SP100: variants seen among roughly 807,000 people sequenced by gnomAD.
SP100 encodes the protein nuclear autoantigen Sp-100.
A neutral mutation model predicts 130.0 loss-of-function variants in SP100; 84 were observed. The ratio of observed to expected loss-of-function variants is 0.65; its 90% confidence interval spans 0.54 to 0.77. The LOEUF is 0.77. Among genes scored for constraint, SP100 ranks in the 30% least tolerant of loss-of-function variants. The pLI is 0.00. For synonymous variants in SP100, 331 were observed against 351.7 expected (o/e 0.94, Z 0.66); for missense variants, 978 against 1,052.2 (o/e 0.93, Z 0.97).
At chr2:230,487,783 C>A (rs1222764046) in intron 17 of SP100, among the ~76,000 whole-genome samples, 1 of 152,146 alleles carries the variant, frequency 6.6e-6, no homozygotes, top group Non-Finnish European at 1.5e-5. Context: ...GGCAGTATGG[C>A]CATTTTCATG....
intron 2 of SP100, among the ~76,000 whole-genome samples, chr2:230,422,524 A>C (rs1390227530): frequency 6.6e-6 from 1 of 151,966 alleles, no homozygotes; most frequent in Admixed American, 6.6e-5. Context: ...ACACTGGCTT[A>C]CTCCTTGTCA....
intron 20 of SP100, 99 bp from the exon 21 acceptor site, chr2:230,504,087 A>G: frequency 1.6e-6 from 1 of 645,052 alleles, no homozygotes; most frequent in Non-Finnish European, 2.8e-6. Flanking sequence ...TACCTCCAAT[A>G]CATTTTGAAT....
intron 24 of SP100, among the ~76,000 whole-genome samples, chr2:230,529,267 T>C (rs1190235469): frequency 6.6e-6 from 1 of 152,188 alleles, no homozygotes; most frequent in Non-Finnish European, 1.5e-5. Flanking sequence ...TCAAGGCTGG[T>C]TCAACATACG....
intron 24 of SP100, among the ~76,000 whole-genome samples, chr2:230,511,527 G>A (rs148049462): frequency 3.1e-3 from 479 of 152,298 alleles, no homozygotes; most frequent in Middle Eastern, 0.014. Flanking sequence ...TTTCAAGTAG[G>A]TGGTGGGAAT....
chr2:230,448,996 T>C, intron 5 of SP100, 92 bp from the exon 6 acceptor site: 1 of 828,112 alleles, frequency 1.2e-6, no homozygotes, highest in Non-Finnish European at 2.1e-6. Flanking sequence ...GGTCTTTAAC[T>C]CCTACGTTAC....
chr2:230,532,926 G>A (rs1242037351), intron 24 of SP100, among the ~76,000 whole-genome samples: 5 of 151,972 alleles, frequency 3.3e-5, no homozygotes, highest in African/African-American at 7.3e-5. Context: ...GATTACAGGC[G>A]CCCACCACCA....
At chr2:230,476,868 G>T (rs1260593538) in intron 17 of SP100, among the ~76,000 whole-genome samples, 1 of 151,890 alleles carries the variant, frequency 6.6e-6, no homozygotes, top group African/African-American at 2.4e-5. Flanking sequence ...TTGTTTTGTT[G>T]TGTTTTTGTT....
rs535944042 is a variant in SP100 at position 230,482,294 on chromosome 2, C to T, written c.1600+7847C>T. Among the ~76,000 whole-genome samples the T allele has an allele frequency of 2.0e-5, 3 of 152,266 alleles. No individual in the cohort carries two copies. In the South Asian group the frequency reaches 6.2e-4, roughly 32 times the overall value. ...GTCAGATCCAGTGAATAAATACTCT[C>T]GCTTCCATTCCTAAGATGGGCAGCC... On this transcript the variant is annotated intron_variant, in intron 17 of 28. Transcript: ENST00000340126.
chr2:230,427,196 C>A (rs1288690161), intron 2 of SP100, among the ~76,000 whole-genome samples: 1 of 152,044 alleles, frequency 6.6e-6, no homozygotes. Context: ...GAGTCTCACT[C>A]TGTCACCCAG....
At chr2:230,538,981 G>C (rs896014380) in intron 24 of SP100, 5 of 263,500 alleles carry the variant, frequency 1.9e-5, no homozygotes, top group Non-Finnish European at 7.6e-6. Flanking sequence ...GGTTTTCCCA[G>C]CTGTTTAATA....
Position 230,473,439 on chromosome 2 carries a change from G to A in SP100, c.1545G>A (p.Met515Ile). The A allele has an allele frequency of 2.5e-6, 4 of 1,590,886 alleles. No homozygotes were observed. The highest frequency in any genetic ancestry group is 3.5e-6 in the Non-Finnish European group (4 of 1,159,024). Residue 515 changes from methionine (M) to isoleucine (I), a missense_variant and splice_region_variant, in exon 16 of 29, where the codon ATG (methionine) becomes ATA (isoleucine). Transcript: ENST00000340126. Reference protein sequence around the residue: ...RTESSQASDMMDTMDVENNST... With the variant: ...RTESSQASDMIDTMDVENNST... Reference sequence around the variant, plus strand: ...AAAGTAGTCAAGCATCTGACATGATGGGTAAGGCTACCCTAGGGTCTTGGG... The same window carrying A: ...AAAGTAGTCAAGCATCTGACATGATAGGTAAGGCTACCCTAGGGTCTTGGG...
chr2:230,424,530 T>C (rs2062863039), intron 2 of SP100, among the ~76,000 whole-genome samples: 1 of 151,960 alleles, frequency 6.6e-6, no homozygotes, highest in Non-Finnish European at 1.5e-5. Context: ...TAGCTGGGCG[T>C]GGTGGCAGGC....
At chr2:230,512,914 G>A (rs1034732027) in intron 24 of SP100, among the ~76,000 whole-genome samples, 17 of 152,180 alleles carry the variant, frequency 1.1e-4, no homozygotes, top group African/African-American at 3.4e-4. Context: ...AAAGAAGCAC[G>A]CAACCTGGAT....
At chr2:230,522,503 CAG>C (rs1238833269) in intron 24 of SP100, among the ~76,000 whole-genome samples, 64 of 22,526 alleles carry the variant, frequency 2.8e-3, no homozygotes, top group African/African-American at 9.4e-3. Flanking sequence ...TTTTTTGAGA[CAG>C]AGTCTTGCAC....
intron 2 of SP100, among the ~76,000 whole-genome samples, chr2:230,425,374 G>T (rs1396083922): frequency 7.0e-6 from 1 of 143,082 alleles, no homozygotes; most frequent in Admixed American, 7.0e-5. Context: ...TAGATTCCTC[G>T]GTCTGAATCT....
At chr2:230,418,437 C>G (rs1197349363) in intron 2 of SP100, among the ~76,000 whole-genome samples, 2 of 152,108 alleles carry the variant, frequency 1.3e-5, no homozygotes, top group Non-Finnish European at 2.9e-5. Flanking sequence ...TTGGGATATT[C>G]TCCTTGTTGT....
At chr2:230,431,307 A>C (rs936572374) in intron 2 of SP100, among the ~76,000 whole-genome samples, 2 of 152,216 alleles carry the variant, frequency 1.3e-5, no homozygotes, top group Non-Finnish European at 2.9e-5. Flanking sequence ...CCAGAATGCC[A>C]GGGAAGCTGG....
At position 230,506,279 on chromosome 2, in the gene SP100, G is replaced by C. The variant is rs780585328; in HGVS notation, c.1871-24G>C. On this transcript the variant is annotated intron_variant, in intron 21 of 28. Transcript: ENST00000340126. ...GTTCAGGTGTTTTCACAGTTGGGGA[G>C]CTCACTTTGCCTTGGTCTTACAGGA... The C allele has an allele frequency of 2.5e-6, 4 of 1,612,192 alleles. No homozygotes were observed. The Admixed American group carries it at 6.7e-5, about 27-fold the overall frequency.
At chr2:230,449,380 TGAGCCTG>T (rs1177002140) in intron 6 of SP100, 174 bp from the exon 7 acceptor site, 4 of 807,196 alleles carry the variant, frequency 5.0e-6, no homozygotes, top group African/African-American at 3.4e-5. Flanking sequence ...CTGCTGCCGC[TGAGCCTG>T]GTCGTTTTAC....
Sources: gnomAD v4.1 joint callset for allele counts (sites outside exome capture counted in the v4.1 genomes callset) on GRCh38, gnomAD v4.1.1 for gene constraint, MANE v1.5 for transcripts, NCBI Gene and HGNC (gene_info 2026-07-23, HGNC 2026-07-21) for gene names.